Variants in MIB1 observed in about 807,000 individuals in gnomAD.
The protein encoded by MIB1 is MIB E3 ubiquitin protein ligase 1, also known as E3 ubiquitin-protein ligase MIB1.
A neutral mutation model predicts 124.5 loss-of-function variants in MIB1; 278 were observed. That is an observed-to-expected ratio of 2.23 (90% confidence interval 2.02 to 2.47). MIB1 has a LOEUF of 2.47. Ranked by LOEUF, MIB1 falls within the 30% of genes most tolerant of loss-of-function variation. MIB1 has a pLI of 0.00. For synonymous variants in MIB1, 446 were observed against 429.4 expected, an observed-to-expected ratio of 1.04 and a Z score of -0.48; for missense variants, 957 against 1,254.4, an observed-to-expected ratio of 0.76 and a Z score of 3.58.
chr18:21,752,412 A>G (rs1272469762), intron 1 of MIB1, among the ~76,000 whole-genome samples: 2 of 152,214 alleles, frequency 1.3e-5, no homozygotes, highest in African/African-American at 2.4e-5. Flanking sequence ...ATAAGGGAGA[A>G]AATTTTCAGT....
At chr18:21,743,778 GTATC>G (rs2040882427) in intron 1 of MIB1, among the ~76,000 whole-genome samples, 1 of 152,160 alleles carries the variant, frequency 6.6e-6, no homozygotes, top group African/African-American at 2.4e-5. Context: ...GGAAATTTAA[GTATC>G]TAGGGTAAAG....
chr18:21,830,034 T>C (rs540858281), intron 12 of MIB1, among the ~76,000 whole-genome samples: 2 of 152,192 alleles, frequency 1.3e-5, no homozygotes, highest in South Asian at 4.1e-4. Context: ...TTTTCAGATT[T>C]GTCAAAGGAG....
At chr18:21,793,517 C>T (rs999435247) in intron 7 of MIB1, among the ~76,000 whole-genome samples, 1 of 152,084 alleles carries the variant, frequency 6.6e-6, no homozygotes, top group Non-Finnish European at 1.5e-5. Flanking sequence ...CGTGGTGGCT[C>T]ATGTCTGTAA....
chr18:21,745,921 G>T (rs1383900377), intron 1 of MIB1, among the ~76,000 whole-genome samples: 2 of 152,022 alleles, frequency 1.3e-5, no homozygotes, highest in African/African-American at 4.8e-5. Context: ...TGGCCAGGCT[G>T]GTCTCGAACA....
At chr18:21,769,826 G>A (rs1351301665) in intron 3 of MIB1, among the ~76,000 whole-genome samples, 1 of 152,054 alleles carries the variant, frequency 6.6e-6, no homozygotes, top group East Asian at 1.9e-4. Flanking sequence ...GCACTTTTTT[G>A]GGATAAAAGA....
intron 10 of MIB1, among the ~76,000 whole-genome samples, chr18:21,815,014 T>TATAC (rs1568212894): frequency 2.6e-4 from 3 of 11,576 alleles, no homozygotes; most frequent in African/African-American, 6.8e-4. Context: ...GTTGGTTTTA[T>TATAC]ATATATATAT....
At chr18:21,766,304 G>A (rs889992460) in intron 2 of MIB1, among the ~76,000 whole-genome samples, 2 of 152,310 alleles carry the variant, frequency 1.3e-5, no homozygotes, top group Non-Finnish European at 2.9e-5. Flanking sequence ...CTCATTGATT[G>A]AGTCAGTAGG....
intron 1 of MIB1, among the ~76,000 whole-genome samples, chr18:21,713,200 C>T (rs2040672936): frequency 7.1e-6 from 1 of 141,790 alleles, no homozygotes; most frequent in African/African-American, 2.7e-5. Context: ...AACTCCTGGC[C>T]TTAAACAATC....
intron 11 of MIB1, among the ~76,000 whole-genome samples, chr18:21,818,134 CTTAGA>C (rs757652047): frequency 6.6e-6 from 1 of 152,166 alleles, no homozygotes; most frequent in Non-Finnish European, 1.5e-5. Flanking sequence ...TTTGAAAACG[CTTAGA>C]TTAATGTTTC....
chr18:21,780,685 T>C (rs905956848), intron 6 of MIB1, among the ~76,000 whole-genome samples: 2 of 152,210 alleles, frequency 1.3e-5, no homozygotes, highest in African/African-American at 4.8e-5. Flanking sequence ...TGGTCTCAAG[T>C]GATGTTTCTC....
chr18:21,743,200 ATACTC>A (rs1237406275), intron 1 of MIB1, among the ~76,000 whole-genome samples: 2 of 152,228 alleles, frequency 1.3e-5, no homozygotes, highest in African/African-American at 4.8e-5. Context: ...GTCTTGCAGA[ATACTC>A]TATTGCATGG....
At chr18:21,795,925 A>C (rs893893896) in intron 7 of MIB1, among the ~76,000 whole-genome samples, 2 of 152,204 alleles carry the variant, frequency 1.3e-5, no homozygotes, top group African/African-American at 4.8e-5. Flanking sequence ...TTTGACTTTG[A>C]GAATCAGAAT....
intron 10 of MIB1, among the ~76,000 whole-genome samples, chr18:21,813,450 C>G (rs1480582065): frequency 6.6e-6 from 1 of 152,096 alleles, no homozygotes; most frequent in Non-Finnish European, 1.5e-5. Context: ...CCACAAGACC[C>G]CCAGGGAAAA....
Position 21,819,613 on chromosome 18 carries a change from C to G in MIB1, c.1796C>G (p.Ala599Gly). 1 of 1,609,622 alleles carries G rather than the reference C, an allele frequency of 6.2e-7. No individual in the cohort carries two copies. The change falls in exon 12 of 21, where the codon GCT (alanine) becomes GGT (glycine). Residue 599 changes from alanine (A) to glycine (G), a missense_variant. Physicochemically the swap from Ala to Gly is moderately conservative, Grantham distance 60. Transcript: ENST00000261537. Reference protein sequence around the residue: ...VTITNNNGFNALHHAALRGNP... With the variant: ...VTITNNNGFNGLHHAALRGNP... Reference sequence around the variant, plus strand: ...ATCACAAACAATAATGGATTTAATGCTCTGCATCATGCTGCACTAAGGGGA... The same window carrying G: ...ATCACAAACAATAATGGATTTAATGGTCTGCATCATGCTGCACTAAGGGGA...
intron 12 of MIB1, chr18:21,830,479 TCTTAA>T (rs770074589): frequency 1.3e-5 from 2 of 152,148 alleles, no homozygotes; most frequent in East Asian, 1.9e-4. Context: ...CTACATTAGC[TCTTAA>T]CTTGAATTGT....
In MIB1 at chr18:21,778,137, G is replaced by T; in HGVS notation, c.671G>T (p.Gly224Val). Residue 224 changes from glycine (G) to valine (V), a missense_variant, in exon 5 of 21, where the codon GGT becomes GTT. Coordinates refer to ENST00000261537, the MANE Select transcript of MIB1 (RefSeq NM_020774.4). ...AAATGTGTCCAGGATGCCAAGGGAG[G>T]TTCTTTCTACAGAGATCACTGCCCT... ...DLKCVQDAKG[G>V]SFYRDHCPVL... is the part of the protein sequence containing the mutation. 1 of 1,612,512 alleles carries T rather than the reference G, an allele frequency of 6.2e-7. No individual in the cohort carries two copies.
At chr18:21,807,879 A>C (rs1230825932) in intron 10 of MIB1, among the ~76,000 whole-genome samples, 1 of 152,240 alleles carries the variant, frequency 6.6e-6, no homozygotes, top group Non-Finnish European at 1.5e-5. Flanking sequence ...AGTAGAGATA[A>C]TAGTATAATG....
At chr18:21,748,510 A>C (rs1221125946) in intron 1 of MIB1, among the ~76,000 whole-genome samples, 3 of 150,320 alleles carry the variant, frequency 2.0e-5, no homozygotes, top group Non-Finnish European at 3.0e-5. Context: ...GCTCACTGCA[A>C]CCTCTGCCTC....
chr18:21,807,943 T>A (rs1170197804), intron 10 of MIB1, among the ~76,000 whole-genome samples: 1 of 152,232 alleles, frequency 6.6e-6, no homozygotes, highest in Non-Finnish European at 1.5e-5. Flanking sequence ...CAGTTTTATC[T>A]ATACACCTTT....
Sources: gnomAD v4.1 joint callset for allele counts (sites outside exome capture counted in the v4.1 genomes callset) on GRCh38, gnomAD v4.1.1 for gene constraint, MANE v1.5 for transcripts, NCBI Gene and HGNC (gene_info 2026-07-23, HGNC 2026-07-21) for gene names.